The following NCAM2 variants were observed in gnomAD, a reference collection of about 807,000 sequenced individuals.
NCAM2 encodes the protein N-CAM-2.
In NCAM2, 30 loss-of-function variants were observed where a neutral mutation model predicts 98.1. That is an observed-to-expected ratio of 0.31 (90% confidence interval 0.23 to 0.41). The LOEUF (loss-of-function observed/expected upper bound fraction) is 0.41. NCAM2 is among the 10% of genes least tolerant of loss of function. NCAM2 has a pLI of 1.00. For missense variants in NCAM2, 867 were observed against 1,005.8 expected (o/e 0.86, Z 1.87); for synonymous variants, 368 against 342.4 (o/e 1.07, Z -0.83).
intron 14 of NCAM2, among the ~76,000 whole-genome samples, chr21:21,474,308 T>A (rs1170522953): frequency 6.6e-6 from 1 of 152,056 alleles, no homozygotes; most frequent in African/African-American, 2.4e-5. Context: ...TCAGCCCAAA[T>A]ACTTAAAATG....
At position 21,393,678 on chromosome 21, in the gene NCAM2, T is replaced by A. The variant is rs150826331; in HGVS notation, c.1196-16596T>A. Reference sequence around the variant, plus strand: ...CAACTTGAATACTGATATATCTATATCACCAGTAATTCTTCCTTTGATAAC... The same window carrying A: ...CAACTTGAATACTGATATATCTATAACACCAGTAATTCTTCCTTTGATAAC... On this transcript the variant is annotated intron_variant, in intron 9 of 17. Transcript: ENST00000400546. Among the ~76,000 whole-genome samples the A allele has an allele frequency of 3.2e-3, 493 of 152,294 alleles. 3 individuals carry two copies. Among genetic ancestry groups the A allele is most frequent in the African/African-American group, 0.011 (465 of 41,576 alleles).
At chr21:21,507,039 T>G (rs559515400) in intron 15 of NCAM2, among the ~76,000 whole-genome samples, 2 of 151,542 alleles carry the variant, frequency 1.3e-5, no homozygotes, top group Non-Finnish European at 2.9e-5. Flanking sequence ...ATTGAATGAT[T>G]TTTTTTTTCA....
At position 21,496,166 on chromosome 21, in the gene NCAM2, G is replaced by GT. The variant is rs139821974; in HGVS notation, c.2078-12681dup. Among the ~76,000 whole-genome samples the GT allele has an allele frequency of 4.8e-3, 725 of 151,850 alleles. 3 individuals carry two copies. The highest frequency in any genetic ancestry group is 0.017 in the African/African-American group (696 of 41,472). On this transcript the variant is annotated intron_variant, in intron 15 of 17. Transcript: ENST00000400546. ...GATTACTGGGTCAAATGGTAGTTCT[G>GT]TTTTAAGTTATTTGGGAAATCTCCA...
intron 5 of NCAM2, among the ~76,000 whole-genome samples, chr21:21,311,943 C>A (rs1470291654): frequency 6.6e-6 from 1 of 152,108 alleles, no homozygotes; most frequent in Non-Finnish European, 1.5e-5. Flanking sequence ...CAATCTATTT[C>A]TAATTTCTGC....
intron 9 of NCAM2, 119 bp from the exon 10 acceptor site, chr21:21,410,155 C>T (rs1463212701): frequency 9.9e-6 from 6 of 608,830 alleles, no homozygotes; most frequent in Admixed American, 4.4e-5. Context: ...AAAAAATACA[C>T]GAAATTAGAA....
At chr21:21,274,479 A>G (rs999170267) in intron 1 of NCAM2, among the ~76,000 whole-genome samples, 2 of 152,222 alleles carry the variant, frequency 1.3e-5, no homozygotes, top group African/African-American at 4.8e-5. Flanking sequence ...TTTCAGAATC[A>G]AATAACACAC....
At chr21:21,340,607 T>C (rs1323087249) in intron 8 of NCAM2, among the ~76,000 whole-genome samples, 1 of 151,984 alleles carries the variant, frequency 6.6e-6, no homozygotes, top group Non-Finnish European at 1.5e-5. Context: ...ATCCAGTCAA[T>C]AAAGAAATTA....
intron 5 of NCAM2, among the ~76,000 whole-genome samples, chr21:21,297,008 AT>A (rs1288625970): frequency 6.6e-6 from 1 of 151,766 alleles, no homozygotes; most frequent in African/African-American, 2.4e-5. Flanking sequence ...GTACACATAT[AT>A]TTTTTAAAGG....
intron 1 of NCAM2, among the ~76,000 whole-genome samples, chr21:21,078,920 C>T (rs958104881): frequency 1.1e-4 from 16 of 152,080 alleles, no homozygotes; most frequent in African/African-American, 3.6e-4. Flanking sequence ...TCATCCTTAG[C>T]AAACTAACAC....
intron 1 of NCAM2, among the ~76,000 whole-genome samples, chr21:21,088,962 C>G (rs556450389): frequency 5.7e-4 from 80 of 141,116 alleles, no homozygotes; most frequent in African/African-American, 2.3e-3. Context: ...CAGAGCGAAA[C>G]TCTGTCTCAA....
intron 12 of NCAM2, among the ~76,000 whole-genome samples, chr21:21,439,687 C>G (rs185188487): frequency 6.2e-4 from 94 of 152,234 alleles, no homozygotes; most frequent in African/African-American, 2.2e-3. Context: ...ATACTGAAAT[C>G]TTAGGTGCAA....
chr21:21,200,039 G>T (rs2069152926), intron 1 of NCAM2, among the ~76,000 whole-genome samples: 1 of 152,026 alleles, frequency 6.6e-6, no homozygotes, highest in Admixed American at 6.6e-5. Flanking sequence ...AATTGTCAGG[G>T]ATTCCAAGAA....
chr21:21,288,076 C>T (rs2073164738), intron 4 of NCAM2, among the ~76,000 whole-genome samples: 1 of 151,550 alleles, frequency 6.6e-6, no homozygotes, highest in South Asian at 2.1e-4. Flanking sequence ...AACCTATGTA[C>T]ATCCTCCCAT....
chr21:21,081,977 G>C (rs1174397150), intron 1 of NCAM2, among the ~76,000 whole-genome samples: 3 of 150,952 alleles, frequency 2.0e-5, no homozygotes, highest in Non-Finnish European at 4.4e-5. Context: ...GTGGCTCACG[G>C]CTGTAATCCC....
intron 11 of NCAM2, among the ~76,000 whole-genome samples, chr21:21,424,553 G>A (rs2077175044): frequency 6.6e-6 from 1 of 152,112 alleles, no homozygotes; most frequent in Non-Finnish European, 1.5e-5. Context: ...CAGGGAAGAT[G>A]AAAGGGAAAG....
chr21:21,396,810 GGT>G (rs1249098281), intron 9 of NCAM2, among the ~76,000 whole-genome samples: 1 of 152,188 alleles, frequency 6.6e-6, no homozygotes, highest in Non-Finnish European at 1.5e-5. Context: ...CCCCAAAGAT[GGT>G]GTTACATCAC....
intron 1 of NCAM2, among the ~76,000 whole-genome samples, chr21:21,201,736 G>A (rs561493778): frequency 2.0e-5 from 3 of 152,242 alleles, no homozygotes; most frequent in Admixed American, 1.3e-4. Flanking sequence ...CTAGCTGCAC[G>A]ATTGAATCCT....
At chr21:21,111,887 T>C (rs1030632877) in intron 1 of NCAM2, among the ~76,000 whole-genome samples, 9 of 152,154 alleles carry the variant, frequency 5.9e-5, no homozygotes, top group Non-Finnish European at 1.2e-4. Flanking sequence ...CTGTGAATTT[T>C]TCAGTATTAT....
At chr21:21,287,301 A>G (rs925997163) in intron 4 of NCAM2, among the ~76,000 whole-genome samples, 3 of 151,986 alleles carry the variant, frequency 2.0e-5, no homozygotes, top group Non-Finnish European at 2.9e-5. Context: ...AATAATATCT[A>G]TTTTTGAATA....
Sources: gnomAD v4.1 joint callset for allele counts (sites outside exome capture counted in the v4.1 genomes callset) on GRCh38, gnomAD v4.1.1 for gene constraint, MANE v1.5 for transcripts, NCBI Gene and HGNC (gene_info 2026-07-23, HGNC 2026-07-21) for gene names.